Variants in DPP6 observed in about 807,000 individuals in gnomAD.
DPP6 encodes dipeptidyl peptidase like 6, also known as A-type potassium channel modulatory protein DPP6.
In DPP6, 69 loss-of-function variants were observed where a neutral mutation model predicts 122.6. That is an observed-to-expected ratio of 0.56 (90% CI 0.46 to 0.69). The LOEUF is 0.69. DPP6 is among the 30% of genes least tolerant of loss of function. The pLI is 0.00. For missense variants in DPP6, 928 were observed against 1,116.9 expected (o/e 0.83, Z 2.41); for synonymous variants, 418 against 433.1 (o/e 0.97, Z 0.43).
chr7:154,105,803 G>T (rs1002225952), intron 1 of DPP6, among the ~76,000 whole-genome samples: 1 of 152,062 alleles, frequency 6.6e-6, no homozygotes, highest in Admixed American at 6.6e-5. Context: ...GGCCTCCCCA[G>T]CCATGTGGAA....
At chr7:154,659,963 C>T (rs182239936) in intron 6 of DPP6, among the ~76,000 whole-genome samples, 123 of 152,294 alleles carry the variant, frequency 8.1e-4, no homozygotes, top group East Asian at 2.9e-3. Context: ...GAAAATAAGA[C>T]GCAGAGAGTT....
Position 154,624,460 on chromosome 7 carries a change from G to T in DPP6, c.628-13361G>T, listed in dbSNP as rs1388995709. Among the ~76,000 whole-genome samples the T allele has an allele frequency of 6.6e-6, 1 of 152,070 alleles. No individual in the cohort carries two copies. Among genetic ancestry groups the T allele is most frequent in the Non-Finnish European group, 1.5e-5 (1 of 68,028 alleles). Reference sequence around the variant, plus strand: ...CGCTGCCTTCCAACCTGGGCAACAAGAGTGAAACTCTGTCTCAACAAACAA... The same window carrying T: ...CGCTGCCTTCCAACCTGGGCAACAATAGTGAAACTCTGTCTCAACAAACAA... On this transcript the variant is annotated intron_variant, in intron 5 of 25. Coordinates refer to ENST00000377770, the MANE Select transcript of DPP6 (RefSeq NM_130797.4). This position sits in a 1 kb window ranked among gnomAD's most constrained non-coding sequence, Gnocchi z 4.7.
At chr7:153,996,723 A>G (rs1027445596) in intron 1 of DPP6, among the ~76,000 whole-genome samples, 6 of 152,154 alleles carry the variant, frequency 3.9e-5, no homozygotes, top group African/African-American at 1.4e-4. Flanking sequence ...GAATATTTAA[A>G]TCGTCTCCAA....
intron 1 of DPP6, among the ~76,000 whole-genome samples, chr7:154,398,903 T>A (rs181605539): frequency 6.6e-6 from 1 of 152,328 alleles, no homozygotes; most frequent in East Asian, 1.9e-4. Context: ...GAAAAACAAA[T>A]TTGAAAAATA....
At chr7:154,671,866 A>ACACACACATACGTG (rs1554431523) in intron 7 of DPP6, among the ~76,000 whole-genome samples, 1 of 118,008 alleles carries the variant, frequency 8.5e-6, no homozygotes, top group South Asian at 2.5e-4. Flanking sequence ...ACACACATGC[A>ACACACACATACGTG]CACACACACA....
chr7:154,793,267 A>G (rs556580131), intron 10 of DPP6, among the ~76,000 whole-genome samples: 1 of 152,278 alleles, frequency 6.6e-6, no homozygotes, highest in Admixed American at 6.5e-5. Context: ...ACATTCTGGG[A>G]TTCACCTGGG....
chr7:153,888,993 C>T (rs190338441), intron 1 of DPP6, among the ~76,000 whole-genome samples: 37 of 152,272 alleles, frequency 2.4e-4, no homozygotes, highest in Admixed American at 2.2e-3. Context: ...AACAAATACC[C>T]AGCTGGCTTA....
At chr7:153,966,364 A>G (rs1795719411) in intron 1 of DPP6, among the ~76,000 whole-genome samples, 1 of 150,356 alleles carries the variant, frequency 6.7e-6, no homozygotes, top group Non-Finnish European at 1.5e-5. Flanking sequence ...AAGAGAAAAC[A>G]CGCATCCTCA....
intron 1 of DPP6, among the ~76,000 whole-genome samples, chr7:154,103,270 G>A (rs1437166453): frequency 3.3e-5 from 5 of 152,280 alleles, no homozygotes; most frequent in African/African-American, 7.2e-5. Context: ...TGCAGGAAGC[G>A]ACTCCATTCC....
At chr7:153,972,852 G>T (rs192989429) in intron 1 of DPP6, among the ~76,000 whole-genome samples, 12 of 151,532 alleles carry the variant, frequency 7.9e-5, no homozygotes, top group African/African-American at 2.7e-4. Flanking sequence ...GTCTACTTCT[G>T]TTATCTTCCA....
chr7:154,347,701 G>T (rs916550501), intron 1 of DPP6, among the ~76,000 whole-genome samples: 12 of 152,188 alleles, frequency 7.9e-5, no homozygotes, highest in African/African-American at 2.9e-4. Context: ...TAGAAGAATG[G>T]GTATTTTAGC....
chr7:154,061,825 C>T (rs1415846901), intron 1 of DPP6, among the ~76,000 whole-genome samples: 2 of 135,772 alleles, frequency 1.5e-5, no homozygotes, highest in East Asian at 2.2e-4. Flanking sequence ...AGCCCCTCTT[C>T]CCCCCTTTGC....
At chr7:154,163,406 C>A (rs1234640861) in intron 1 of DPP6, among the ~76,000 whole-genome samples, 1 of 152,088 alleles carries the variant, frequency 6.6e-6, no homozygotes, top group Non-Finnish European at 1.5e-5. Flanking sequence ...TTTTTTGTTT[C>A]TTTTTTATTT....
intron 1 of DPP6, among the ~76,000 whole-genome samples, chr7:154,223,067 C>A (rs1267977838): frequency 6.7e-6 from 1 of 149,212 alleles, no homozygotes; most frequent in Non-Finnish European, 1.5e-5. Context: ...CAGACTGCTA[C>A]AGGTGAGAGA....
intron 1 of DPP6, among the ~76,000 whole-genome samples, chr7:154,370,392 G>A (rs530432602): frequency 1.3e-5 from 2 of 149,874 alleles, no homozygotes; most frequent in East Asian, 4.0e-4. Context: ...GGGGAGGGGG[G>A]ATGGGCAGCT....
intron 1 of DPP6, among the ~76,000 whole-genome samples, chr7:154,370,056 C>T (rs1329889069): frequency 6.6e-6 from 1 of 151,924 alleles, no homozygotes; most frequent in Non-Finnish European, 1.5e-5. Flanking sequence ...AATCTTGGCT[C>T]ACTGCAACCT....
At chr7:154,584,443 CT>C (rs1402476824) in intron 5 of DPP6, among the ~76,000 whole-genome samples, 6 of 152,242 alleles carry the variant, frequency 3.9e-5, no homozygotes, top group Non-Finnish European at 7.3e-5. Context: ...CTCCAAGGGA[CT>C]TTGAGATGCT....
intron 7 of DPP6, among the ~76,000 whole-genome samples, chr7:154,718,344 T>C (rs1841607205): frequency 6.6e-6 from 1 of 152,206 alleles, no homozygotes; most frequent in African/African-American, 2.4e-5. Context: ...ACACGAAGTA[T>C]TTCCACTGTG....
intron 1 of DPP6, among the ~76,000 whole-genome samples, chr7:154,301,581 G>A (rs544263536): frequency 5.3e-5 from 8 of 152,182 alleles, no homozygotes; most frequent in Admixed American, 1.3e-4. Flanking sequence ...TGATGGCACC[G>A]ATAATGCCCA....
Sources: gnomAD v4.1 joint callset for allele counts (sites outside exome capture counted in the v4.1 genomes callset) on GRCh38, gnomAD v4.1.1 for gene constraint, Gnocchi (gnomAD v3.1) non-coding constraint, MANE v1.5 for transcripts, NCBI Gene and HGNC (gene_info 2026-07-23, HGNC 2026-07-21) for gene names.